Variants in NRP1 observed in about 807,000 individuals in gnomAD.
NRP1 encodes neuropilin-1.
NRP1 carries 35 observed loss-of-function variants against 106.7 expected under a neutral mutation model. The observed-to-expected ratio is 0.33, with a 90% CI of 0.25 to 0.43. NRP1 has a LOEUF of 0.43. Among genes scored for constraint, NRP1 ranks in the 20% least tolerant of loss-of-function variants. The pLI is 1.00. For synonymous variants in NRP1, 437 were observed against 417.9 expected (o/e 1.05, Z -0.56); for missense variants, 1,024 against 1,170.4 (o/e 0.87, Z 1.83).
At chr10:33,183,892 T>A (rs12415845) in intron 15 of NRP1, among the ~76,000 whole-genome samples, 18,724 of 152,266 alleles carry the variant, frequency 0.12, 1,231 homozygotes, top group Admixed American at 0.21. Flanking sequence ...TAGTTGTGAA[T>A]TTCCCACTAC....
At chr10:33,317,089 T>C (rs1847090493) in intron 2 of NRP1, among the ~76,000 whole-genome samples, 1 of 152,250 alleles carries the variant, frequency 6.6e-6, no homozygotes, top group African/African-American at 2.4e-5. Context: ...ATTTGACCCA[T>C]AGAGGCCCAT....
At chr10:33,273,960 G>A (rs1332028992) in intron 2 of NRP1, among the ~76,000 whole-genome samples, 1 of 151,980 alleles carries the variant, frequency 6.6e-6, no homozygotes, top group Non-Finnish European at 1.5e-5. Context: ...TACCACCCTC[G>A]GAATGTAAAC....
chr10:33,202,616 A>C (rs1837426699), intron 11 of NRP1: 3 of 1,508,204 alleles, frequency 2.0e-6, no homozygotes, highest in Non-Finnish European at 2.7e-6. Flanking sequence ...TAGTACATTT[A>C]GCCATGGGGA....
chr10:33,292,119 C>T (rs1026668234), intron 2 of NRP1, among the ~76,000 whole-genome samples: 7 of 152,178 alleles, frequency 4.6e-5, no homozygotes, highest in African/African-American at 1.2e-4. Context: ...TGGTTTTGAA[C>T]TCTCTGGCTC....
chr10:33,262,032 G>A (rs138234843), intron 4 of NRP1, among the ~76,000 whole-genome samples: 286 of 152,200 alleles, frequency 1.9e-3, no homozygotes, highest in Admixed American at 3.9e-3. Flanking sequence ...CACAGCACCC[G>A]GTCTACATTT....
intron 2 of NRP1, among the ~76,000 whole-genome samples, chr10:33,281,052 A>C (rs528807552): frequency 5.0e-4 from 57 of 114,360 alleles, no homozygotes; most frequent in Non-Finnish European, 8.8e-4. Context: ...GCAGCCTTCC[A>C]AATTTTTTTT....
At chr10:33,246,172 T>C (rs1409929657) in intron 6 of NRP1, among the ~76,000 whole-genome samples, 12 of 150,856 alleles carry the variant, frequency 8.0e-5, no homozygotes, top group South Asian at 2.1e-4. Flanking sequence ...AAACAATCAG[T>C]TAAAAATATC....
chr10:33,265,035 G>T (rs528034431), intron 3 of NRP1, among the ~76,000 whole-genome samples: 2 of 151,046 alleles, frequency 1.3e-5, no homozygotes, highest in Non-Finnish European at 3.0e-5. Flanking sequence ...GCTTGAACCC[G>T]GGAGGCAGAG....
intron 4 of NRP1, among the ~76,000 whole-genome samples, chr10:33,262,697 C>T (rs1054726224): frequency 9.0e-6 from 1 of 111,714 alleles, no homozygotes; most frequent in African/African-American, 4.2e-5. Context: ...GAGCAAAACT[C>T]TGTCTCAAAA....
chr10:33,180,270 T>A lies in NRP1; in HGVS notation c.2578A>T (p.Thr860Ser), dbSNP rs774993945. 1 of 1,614,044 alleles carries A rather than the reference T, an allele frequency of 6.2e-7. No individual in the cohort carries two copies. The highest frequency in any genetic ancestry group is 8.5e-7 in the Non-Finnish European group (1 of 1,179,998). The change falls in exon 17 of 17, where the codon ACC becomes TCC. Residue 860 changes from threonine to serine, a missense_variant. This residue lies in a region of NRP1 where 164 missense variants were observed against 161.4 expected (regional missense o/e 1.02). Transcript: ENST00000374867. ...CCCAGGGCACTCATGGCTATGATGG[T>A]GATGAGGATGGGGTCTAAGGTCTTC... ...VLKTLDPILITIIAMSALGVL... is the reference protein window; with the variant it reads ...VLKTLDPILISIIAMSALGVL...
intron 12 of NRP1, chr10:33,194,882 A>G (rs1836668048): frequency 2.4e-6 from 1 of 424,040 alleles, no homozygotes; most frequent in South Asian, 1.7e-5. Flanking sequence ...AAAGGAGAGA[A>G]AAAAGCAAAT....
intron 1 of NRP1, among the ~76,000 whole-genome samples, chr10:33,331,156 G>A (rs907921956): frequency 6.6e-6 from 1 of 152,138 alleles, no homozygotes; most frequent in African/African-American, 2.4e-5. Context: ...AGGTCTTCTA[G>A]CATTAAAAAC....
At chr10:33,281,400 G>T (rs183319318) in intron 2 of NRP1, among the ~76,000 whole-genome samples, 160 of 152,062 alleles carry the variant, frequency 1.1e-3, no homozygotes, top group Non-Finnish European at 1.8e-3. Flanking sequence ...TCACAGTCAT[G>T]CAGAGAGAAG....
intron 6 of NRP1, among the ~76,000 whole-genome samples, chr10:33,234,319 T>C (rs966232400): frequency 2.0e-5 from 3 of 152,174 alleles, no homozygotes; most frequent in Non-Finnish European, 2.9e-5. Context: ...CCAGGACTTA[T>C]ACCCCAGAGA....
chr10:33,316,463 C>T (rs898028494), intron 2 of NRP1, among the ~76,000 whole-genome samples: 2 of 152,208 alleles, frequency 1.3e-5, no homozygotes, highest in Non-Finnish European at 2.9e-5. Context: ...AGGTGGTCAA[C>T]ATCCTCCAGA....
chr10:33,271,604 C>T (rs547395544), intron 2 of NRP1, among the ~76,000 whole-genome samples: 14 of 152,220 alleles, frequency 9.2e-5, no homozygotes, highest in East Asian at 5.8e-4. Context: ...GAGAAAGAAA[C>T]GCTTGATACC....
intron 2 of NRP1, among the ~76,000 whole-genome samples, chr10:33,306,807 T>C (rs1206016227): frequency 1.3e-5 from 2 of 152,224 alleles, no homozygotes; most frequent in African/African-American, 4.8e-5. Context: ...TTTGTTTTCC[T>C]AGGAATTGTG....
intron 6 of NRP1, among the ~76,000 whole-genome samples, chr10:33,236,110 C>T (rs1276980670): frequency 6.6e-6 from 1 of 152,124 alleles, no homozygotes; most frequent in East Asian, 1.9e-4. Context: ...AATTTAAAAC[C>T]TGAGCCTAGT....
intron 11 of NRP1, chr10:33,202,667 G>A (rs903626074): frequency 1.6e-5 from 24 of 1,544,144 alleles, no homozygotes; most frequent in Non-Finnish European, 2.0e-5. Context: ...TTTGGCTCTC[G>A]AAATGGCTCA....
Sources: gnomAD v4.1 joint callset for allele counts (sites outside exome capture counted in the v4.1 genomes callset) on GRCh38, gnomAD v4.1.1 for gene constraint, gnomAD v4.1.1 regional missense constraint, MANE v1.5 for transcripts, NCBI Gene and HGNC (gene_info 2026-07-23, HGNC 2026-07-21) for gene names.